BAALC: variants seen among roughly 807,000 people sequenced by gnomAD.
BAALC encodes BAALC binder of MAP3K1 and KLF4, also known as brain and acute leukemia cytoplasmic protein.
Under a neutral mutation model 15.5 loss-of-function variants are expected in BAALC, and 9 were observed. That is an observed-to-expected ratio of 0.58 (90% CI 0.35 to 1.02). The LOEUF is 1.02. BAALC is among the 50% of genes least tolerant of loss of function. The pLI, the probability that BAALC is intolerant of heterozygous loss-of-function variation, is 0.02. For missense variants in BAALC, 201 were observed against 192.4 expected, an observed-to-expected ratio of 1.04 and a Z score of -0.27; for synonymous variants, 80 against 74.6, an observed-to-expected ratio of 1.07 and a Z score of -0.37.
At chr8:103,142,084 G>T (rs1306689252) in intron 1 of BAALC, among the ~76,000 whole-genome samples, 1 of 152,156 alleles carries the variant, frequency 6.6e-6, no homozygotes, top group Non-Finnish European at 1.5e-5. Context: ...GATATTATTG[G>T]CATTTTTGAA....
intron 1 of BAALC, among the ~76,000 whole-genome samples, chr8:103,163,005 T>C (rs1378619574): frequency 6.6e-6 from 1 of 152,162 alleles, no homozygotes; most frequent in East Asian, 1.9e-4. Flanking sequence ...ATTAATCTAC[T>C]GAAACTCTTA....
chr8:103,197,975 C>T, intron 1 of BAALC: 1 of 549,942 alleles, frequency 1.8e-6, no homozygotes, highest in Non-Finnish European at 3.2e-6. Context: ...CCAGTCTTTC[C>T]TTTTAAACAT....
At chr8:103,157,598 A>G (rs1811125948) in intron 1 of BAALC, among the ~76,000 whole-genome samples, 1 of 152,156 alleles carries the variant, frequency 6.6e-6, no homozygotes, top group African/African-American at 2.4e-5. Flanking sequence ...ACCTGAGCCT[A>G]TGAGTATGAG....
At chr8:103,213,752 C>T (rs2130069010) in intron 2 of BAALC, among the ~76,000 whole-genome samples, 1 of 152,298 alleles carries the variant, frequency 6.6e-6, no homozygotes, top group African/African-American at 2.4e-5. Context: ...CACCCAGTTC[C>T]TCCTTCTGAC....
At chr8:103,220,862 G>A (rs1812661351) in intron 2 of BAALC, among the ~76,000 whole-genome samples, 1 of 152,072 alleles carries the variant, frequency 6.6e-6, no homozygotes, top group Non-Finnish European at 1.5e-5. Flanking sequence ...AGAAAAATTG[G>A]TGTCTCACAC....
intron 1 of BAALC, among the ~76,000 whole-genome samples, chr8:103,174,462 G>A (rs1190369939): frequency 6.6e-6 from 1 of 152,192 alleles, no homozygotes; most frequent in Non-Finnish European, 1.5e-5. Flanking sequence ...TTCCAGCCAT[G>A]ACCTTGGGAC....
chr8:103,185,121 G>T (rs969402520), intron 1 of BAALC, among the ~76,000 whole-genome samples: 1 of 151,878 alleles, frequency 6.6e-6, no homozygotes, highest in Non-Finnish European at 1.5e-5. Context: ...TGCTTGATTT[G>T]GTATCTTTAT....
intron 1 of BAALC, among the ~76,000 whole-genome samples, chr8:103,149,305 G>A (rs757342605): frequency 7.9e-5 from 12 of 152,154 alleles, no homozygotes; most frequent in Admixed American, 2.6e-4. Flanking sequence ...CTGAGTGCCC[G>A]TGCTGCTCCA....
Position 103,141,060 on chromosome 8 carries a change from A to G in BAALC, c.160+3A>G, listed in dbSNP as rs1490000683. The G allele has an allele frequency of 6.7e-7, 1 of 1,488,244 alleles. No homozygotes were observed. Among genetic ancestry groups the G allele is most frequent in the Admixed American group, 2.3e-5 (1 of 42,936 alleles). The allele number at this position is 1,488,244 out of a possible 1,614,324, so 92.2% of individuals were successfully genotyped here. A position where few individuals can be genotyped will look rare whatever the true frequency, so the allele number is the denominator to read the frequency against. On this transcript the variant is annotated splice_donor_region_variant and intron_variant, in intron 1 of 2. Transcript: ENST00000309982. Reference sequence around the variant, plus strand: ...CGAAGCGGGCGGCCTGCACTCGGGTAAGTGGCCGGGCCCCTGCAGACCCTC... The same window carrying G: ...CGAAGCGGGCGGCCTGCACTCGGGTGAGTGGCCGGGCCCCTGCAGACCCTC...
intron 1 of BAALC, among the ~76,000 whole-genome samples, chr8:103,195,735 A>G (rs937648888): frequency 1.3e-5 from 2 of 152,174 alleles, no homozygotes; most frequent in African/African-American, 4.8e-5. Flanking sequence ...AAGGGAAAAA[A>G]TACTTTAACA....
chr8:103,147,412 G>A (rs1810899144), intron 1 of BAALC, among the ~76,000 whole-genome samples: 1 of 152,106 alleles, frequency 6.6e-6, no homozygotes, highest in Admixed American at 6.5e-5. Flanking sequence ...GAGTGTAATT[G>A]GATTGTATGT....
intron 1 of BAALC, among the ~76,000 whole-genome samples, chr8:103,201,800 A>G (rs1812224107): frequency 6.6e-6 from 1 of 152,222 alleles, no homozygotes; most frequent in Non-Finnish European, 1.5e-5. Context: ...AGCCTGGCAC[A>G]TAGTAGGTAC....
intron 1 of BAALC, among the ~76,000 whole-genome samples, chr8:103,205,603 C>A (rs1193841778): frequency 6.6e-6 from 1 of 152,004 alleles, no homozygotes; most frequent in Non-Finnish European, 1.5e-5. Context: ...TCTTTAGAAT[C>A]CCCTGCCTTA....
chr8:103,154,029 G>T (rs555665984), intron 1 of BAALC, among the ~76,000 whole-genome samples: 1 of 152,126 alleles, frequency 6.6e-6, no homozygotes, highest in Non-Finnish European at 1.5e-5. Flanking sequence ...CTCATTAAAC[G>T]ATTACCTCCA....
intron 2 of BAALC, among the ~76,000 whole-genome samples, chr8:103,214,314 G>A (rs1204596644): frequency 6.6e-6 from 1 of 152,190 alleles, no homozygotes; most frequent in African/African-American, 2.4e-5. Flanking sequence ...TTACAGTGGT[G>A]ATCTATATGT....
intron 1 of BAALC, among the ~76,000 whole-genome samples, chr8:103,175,768 G>C (rs954783): frequency 0.52 from 78,927 of 152,112 alleles, 20,610 homozygotes; most frequent in Non-Finnish European, 0.54. Context: ...TGAGACAAGG[G>C]CTGGGTGGAG....
chr8:103,228,081 A>G lies in BAALC; in HGVS notation c.420A>G (p.Thr140=), dbSNP rs769850508. The G allele has an allele frequency of 2.5e-6, 4 of 1,611,896 alleles. No homozygotes were observed. The highest frequency in any genetic ancestry group is 3.4e-6 in the Non-Finnish European group (4 of 1,178,232). The change falls in exon 3 of 3, where the codon ACA becomes ACG. Residue 140 remains threonine, a synonymous_variant. Coordinates refer to ENST00000309982, the MANE Select transcript of BAALC (RefSeq NM_024812.3). ...AGATGGACAGAAGTCGAAGAATCAC[A>G]AAGAACTGTGTCAACTAGCAGAGAG... ...IQQMDRSRRI[T]KNCVN
In BAALC at chr8:103,140,956, C is replaced by T; in HGVS notation, c.59C>T (p.Thr20Ile). ...GAGCCCCGCTACTACGAGAGCTGGA[C>T]CCGGGAGACAGAATCCACCTGGCTC... ...AIEPRYYESW[T>I]RETESTWLTY... Residue 20 changes from threonine (T) to isoleucine (I), a missense_variant, in exon 1 of 3, where the codon ACC becomes ATC. Physicochemically the swap from Thr to Ile is moderately conservative, Grantham distance 89. Transcript: ENST00000309982. The surrounding 1 kb of genome is among the most constrained non-coding windows in gnomAD (Gnocchi z 4.2). 1 of 1,541,694 alleles carries T rather than the reference C, an allele frequency of 6.5e-7. No homozygotes were observed.
In BAALC at chr8:103,213,006, G is replaced by A; in HGVS notation, c.248G>A (p.Cys83Tyr). 6.2e-7 allele frequency: 1 copy of A among 1,614,132 alleles called. No individual in the cohort carries two copies. The highest frequency in any genetic ancestry group is 8.5e-7 in the Non-Finnish European group (1 of 1,179,994). Reference sequence around the variant, plus strand: ...CCCAACCCAGAGAAGAAGACGAACTGTGAGACCCAGTGCCCAAATCCCCAG... The same window carrying A: ...CCCAACCCAGAGAAGAAGACGAACTATGAGACCCAGTGCCCAAATCCCCAG... ...GIPNPEKKTN[C>Y]ETQCPNPQSL... The change falls in exon 2 of 3, where the codon TGT (cysteine) becomes TAT (tyrosine). Residue 83 changes from cysteine to tyrosine, a missense_variant. Cys to Tyr is a radical substitution (Grantham distance 194). Transcript: ENST00000309982.
Sources: allele counts gnomAD v4.1 joint callset (sites outside exome capture counted in the v4.1 genomes callset), GRCh38; gene constraint gnomAD v4.1.1; non-coding constraint Gnocchi (gnomAD v3.1); transcripts MANE v1.5; gene names NCBI Gene and HGNC (gene_info 2026-07-23, HGNC 2026-07-21).